The following PRXL2A variants were observed in gnomAD, a reference collection of about 807,000 sequenced individuals.
The protein encoded by PRXL2A is peroxiredoxin like 2A.
In PRXL2A, 26 loss-of-function variants were observed where a neutral mutation model predicts 25.6. The ratio of observed to expected loss-of-function variants is 1.02; its 90% CI spans 0.74 to 1.41. PRXL2A has a LOEUF of 1.41. PRXL2A is among the 40% of genes most tolerant of loss of function. PRXL2A has a pLI of 0.00. For missense variants in PRXL2A, 246 were observed against 273.9 expected (o/e 0.90, Z 0.72); for synonymous variants, 98 against 102.9 (o/e 0.95, Z 0.29).
intron 4 of PRXL2A, among the ~76,000 whole-genome samples, chr10:80,426,235 C>T (rs184320135): frequency 6.6e-5 from 10 of 152,350 alleles, no homozygotes; most frequent in East Asian, 3.9e-4. Context: ...TTTGACTTAA[C>T]GATCTTTCAG....
At chr10:80,425,755 C>A in intron 3 of PRXL2A, 111 bp from the exon 4 acceptor site, 3 of 1,391,916 alleles carry the variant, frequency 2.2e-6, no homozygotes, top group Non-Finnish European at 3.0e-6. Context: ...CTTGCCTCTG[C>A]TTTCCACTGG....
chr10:80,418,335 G>A (rs1844741075), intron 1 of PRXL2A, among the ~76,000 whole-genome samples: 1 of 152,126 alleles, frequency 6.6e-6, no homozygotes, highest in South Asian at 2.1e-4. Context: ...TTGCTGCAAA[G>A]GACATGATTT....
rs759292018 is a variant in PRXL2A at position 80,436,115 on chromosome 10, C to CCTTTT, written c.*4016_*4017insCTTTT. On this transcript the variant is annotated 3_prime_UTR_variant, in exon 6 of 6. Coordinates refer to ENST00000606162, the MANE Select transcript of PRXL2A (RefSeq NM_032333.5). The stretch of plus-strand genomic sequence containing the variant: ...AATCTCTGGGGTAGGCCCCAAGCAA[C>CCTTTT]TTTTTTTTTTTTTTTTTTAGATAGA... 7.6e-6 allele frequency: 1 copy of CCTTTT among 132,130 alleles called. No homozygotes were observed. The allele number at this position is 132,130 out of a possible 1,614,324, so 8.2% of individuals were successfully genotyped here. A position where few individuals can be genotyped will look rare whatever the true frequency, so the allele number is the denominator to read the frequency against.
intron 1 of PRXL2A, chr10:80,409,041 G>A (rs946889): frequency 0.083 from 81,284 of 984,820 alleles, 4,766 homozygotes; most frequent in African/African-American, 0.28. Flanking sequence ...GCATGGGCCC[G>A]GGGGCCGCCC....
At chr10:80,412,124 A>C (rs546759133) in intron 1 of PRXL2A, among the ~76,000 whole-genome samples, 13 of 152,156 alleles carry the variant, frequency 8.5e-5, no homozygotes, top group Non-Finnish European at 1.8e-4. Context: ...CTGTAGTTGC[A>C]GTCACATGGT....
At chr10:80,416,587 C>A (rs1844667478) in intron 1 of PRXL2A, among the ~76,000 whole-genome samples, 1 of 152,102 alleles carries the variant, frequency 6.6e-6, no homozygotes, top group Admixed American at 6.5e-5. Flanking sequence ...ATAGGATATT[C>A]CAGGCAGAGG....
chr10:80,427,502 T>C lies in PRXL2A; in HGVS notation c.576+6T>C. The C allele has an allele frequency of 1.1e-5, 18 of 1,613,434 alleles. No homozygotes were observed. Among genetic ancestry groups the C allele is most frequent in the South Asian group, 3.3e-5 (3 of 91,014 alleles). On this transcript the variant is annotated splice_donor_region_variant and intron_variant, in intron 5 of 5. Transcript: ENST00000606162. ...TGGTGGGATCAGGAAAGCAGGTGAG[T>C]TCTTGGTGTTTACTTGTGGTCTGTA...
chr10:80,418,751 T>C (rs1461222339), intron 1 of PRXL2A, among the ~76,000 whole-genome samples: 1 of 152,016 alleles, frequency 6.6e-6, no homozygotes, highest in African/African-American at 2.4e-5. Context: ...AAGATAGATA[T>C]TGTAAGTGGT....
At chr10:80,408,183 A>G (rs1454548491), upstream of PRXL2A, among the ~76,000 whole-genome samples, 8 of 151,906 alleles carry the variant, frequency 5.3e-5, no homozygotes, top group Admixed American at 5.2e-4. Context: ...AAAAAAAAAA[A>G]AACCTATCAA....
At chr10:80,415,455 G>C (rs1844627189) in intron 1 of PRXL2A, among the ~76,000 whole-genome samples, 1 of 152,220 alleles carries the variant, frequency 6.6e-6, no homozygotes, top group Admixed American at 6.5e-5. Context: ...TCCCAGCTTA[G>C]CTGGCCCCAT....
chr10:80,422,500 T>A lies in PRXL2A; in HGVS notation c.262T>A (p.Cys88Ser), dbSNP rs866201568. Reference sequence around the variant, plus strand: ...CGTGCGGAGGCCAGGCTGTTTCCTCTGTCGAGAGGTGAGTGCAGATGAGGA... The same window carrying A: ...CGTGCGGAGGCCAGGCTGTTTCCTCAGTCGAGAGGTGAGTGCAGATGAGGA... ...MAVRRPGCFL[C>S]REEAADLSSL... is the part of the protein sequence containing the mutation. The change falls in exon 3 of 6, where the codon TGT becomes AGT. Residue 88 changes from cysteine to serine, a missense_variant. Coordinates refer to ENST00000606162, the MANE Select transcript of PRXL2A (RefSeq NM_032333.5). 1.9e-6 allele frequency: 3 copies of A among 1,613,616 alleles called. No homozygotes were observed. Among genetic ancestry groups the A allele is most frequent in the Non-Finnish European group, 2.5e-6 (3 of 1,179,550 alleles).
In PRXL2A at chr10:80,434,751, G is replaced by A. The variant is rs1156963247; in HGVS notation, c.*2652G>A. The A allele has an allele frequency of 4.6e-5, 7 of 152,234 alleles. No homozygotes were observed. Among genetic ancestry groups the A allele is most frequent in the African/African-American group, 1.7e-4 (7 of 41,542 alleles). The allele number at this position is 152,234 out of a possible 1,614,324, so 9.4% of individuals were successfully genotyped here. On this transcript the variant is annotated 3_prime_UTR_variant, in exon 6 of 6. Transcript: ENST00000606162. ...TTTATTTATCAAAGTTAGGATCCTA[G>A]CCTCCCACAGAGACCAGGAGTCGGC...
chr10:80,423,610 C>T lies in PRXL2A; in HGVS notation c.270+1102C>T, dbSNP rs1844937221. ...TGGATGCATGTGATGCCTGCAGTAC[C>T]CTACCCCCAGGGCACTGTGTGCCTG... On this transcript the variant is annotated intron_variant, in intron 3 of 5. Transcript: ENST00000606162. Among the ~76,000 whole-genome samples, 4 of 152,134 alleles carry T rather than the reference C, an allele frequency of 2.6e-5. No individual in the cohort carries two copies. In the South Asian group the frequency reaches 8.3e-4, roughly 32 times the overall value.
Position 80,432,813 on chromosome 10 carries a change from A to T in PRXL2A, c.*714A>T, listed in dbSNP as rs1423745467. 4 of 152,092 alleles carry T rather than the reference A, an allele frequency of 2.6e-5. No homozygotes were observed. The highest frequency in any genetic ancestry group is 5.9e-5 in the Non-Finnish European group (4 of 68,042). The allele number at this position is 152,092 out of a possible 1,614,324, so 9.4% of individuals were successfully genotyped here. A position where few individuals can be genotyped will look rare whatever the true frequency, so the allele number is the denominator to read the frequency against. On this transcript the variant is annotated 3_prime_UTR_variant, in exon 6 of 6. Coordinates refer to ENST00000606162, the MANE Select transcript of PRXL2A (RefSeq NM_032333.5). ...TTTGGCATGTGTGTTTTCTATTAAT[A>T]ATTGGTTATATGATGTCAAAGTAAT... is the stretch of plus-strand genomic sequence containing the variant.
chr10:80,424,485 G>A (rs188800937), intron 3 of PRXL2A, among the ~76,000 whole-genome samples: 9 of 151,094 alleles, frequency 6.0e-5, no homozygotes, highest in South Asian at 4.2e-4. Context: ...TCAGGAGGCC[G>A]AGGGAGGAAG....
At chr10:80,422,559 G>A (rs1415925128) in intron 3 of PRXL2A, 51 bp downstream of exon 3, 2 of 1,476,394 alleles carry the variant, frequency 1.4e-6, no homozygotes, top group African/African-American at 1.4e-5. Flanking sequence ...GCAAGTAGGG[G>A]CCATTGTTTT....
chr10:80,409,173 T>A (rs1844383660), intron 1 of PRXL2A: 1 of 624,618 alleles, frequency 1.6e-6, no homozygotes, highest in South Asian at 7.1e-5. Flanking sequence ...AGGCACCTGT[T>A]CCCCCTCTTT....
At position 80,425,912 on chromosome 10, in the gene PRXL2A, G is replaced by T; in HGVS notation, c.317G>T (p.Gly106Val). The stretch of plus-strand genomic sequence containing the variant: ...CTGAAAAGCATGTTGGACCAGCTGG[G>T]CGTCCCCCTCTATGCAGTGGTAAAG... ...SSLKSMLDQL[G>V]VPLYAVVKEH... Residue 106 changes from glycine to valine, a missense_variant, in exon 4 of 6, where the codon GGC (glycine) becomes GTC (valine). Gly to Val is a moderately radical substitution (Grantham distance 109, BLOSUM62 -3). Coordinates refer to ENST00000606162, the MANE Select transcript of PRXL2A (RefSeq NM_032333.5). The T allele has an allele frequency of 6.2e-7, 1 of 1,614,268 alleles. No individual in the cohort carries two copies. The highest frequency in any genetic ancestry group is 8.5e-7 in the Non-Finnish European group (1 of 1,180,050).
At chr10:80,409,833 C>A (rs554044790) in intron 1 of PRXL2A, among the ~76,000 whole-genome samples, 1 of 152,320 alleles carries the variant, frequency 6.6e-6, no homozygotes, top group South Asian at 2.1e-4. Context: ...TCCTTTGATT[C>A]TTGCAACTCT....
Sources: gnomAD v4.1 joint callset for allele counts (sites outside exome capture counted in the v4.1 genomes callset) on GRCh38, gnomAD v4.1.1 for gene constraint, MANE v1.5 for transcripts, NCBI Gene and HGNC (gene_info 2026-07-23, HGNC 2026-07-21) for gene names.